The following CUBN variants were observed in gnomAD, a reference collection of about 807,000 sequenced individuals.
CUBN encodes cubilin, also known as 460 kDa receptor.
In CUBN, 282 loss-of-function variants were observed where a neutral mutation model predicts 405.3. That is an observed-to-expected ratio of 0.70 (90% CI 0.63 to 0.77). The LOEUF is 0.77. Among genes scored for constraint, CUBN ranks in the 30% least tolerant of loss-of-function variants. The pLI is 0.00. For synonymous variants in CUBN, 1,684 were observed against 1,617.0 expected (o/e 1.04, Z -0.99); for missense variants, 4,514 against 4,475.2 (o/e 1.01, Z -0.25).
Position 16,907,661 on chromosome 10 carries a change from T to A in CUBN, c.7552A>T (p.Ser2518Cys). 2 of 1,612,276 alleles carry A rather than the reference T, an allele frequency of 1.2e-6. No homozygotes were observed. Among genetic ancestry groups the A allele is most frequent in the Non-Finnish European group, 1.7e-6 (2 of 1,179,920 alleles). ...EHVIVFNGIR[S>C]NSPQLEKLCS... ...AGTTTCTCTAGCTGGGGTGAGTTAC[T>A]TCTAATGCCATTGAATACCTGTTGG... Residue 2518 changes from serine (S) to cysteine (C), a missense_variant, in exon 49 of 67, where the codon AGT (serine) becomes TGT (cysteine). By Grantham distance (112) the Ser-to-Cys change is moderately radical. This residue lies in a region of CUBN where 1,613 missense variants were observed against 1,542.8 expected (regional missense o/e 1.05). Transcript: ENST00000377833.
intron 28 of CUBN, among the ~76,000 whole-genome samples, chr10:17,004,613 T>C (rs1004707032): frequency 2.0e-5 from 3 of 151,182 alleles, no homozygotes; most frequent in African/African-American, 7.3e-5. Flanking sequence ...TTCTTCTGTC[T>C]CCCAGATTGA....
chr10:16,990,421 A>T lies in CUBN; in HGVS notation c.4263T>A (p.Ile1421=). The change falls in exon 29 of 67, where the codon ATT becomes ATA. Residue 1421 remains isoleucine, a synonymous_variant. Transcript: ENST00000377833. ...YPPNKECIWY[I]RTDPGSSIQL... The stretch of plus-strand genomic sequence containing the variant: ...GAATGCTACTCCCGGGGTCCGTCCT[A>T]ATGTACCAGATACACTCCTTGTTTG... The T allele has an allele frequency of 6.2e-7, 1 of 1,614,132 alleles. No homozygotes were observed. The highest frequency in any genetic ancestry group is 1.3e-5 in the African/African-American group (1 of 75,032).
At chr10:17,121,799 G>C (rs1837047568) in intron 6 of CUBN, 1 of 152,068 alleles carries the variant, frequency 6.6e-6, no homozygotes, top group South Asian at 2.1e-4. Flanking sequence ...GGAAATTGAA[G>C]AACAAGATAG....
Position 16,925,756 on chromosome 10 carries a change from T to A in CUBN, c.6290A>T (p.His2097Leu). 1 of 1,613,980 alleles carries A rather than the reference T, an allele frequency of 6.2e-7. No homozygotes were observed. ...SFHKSCGGYL[H>L]ADRGIITSPK... ...GGACGTGATGATCCCTCTGTCTGCA[T>A]GCAAATATCCACCGCAGCCTTCCCA... The change falls in exon 42 of 67, where the codon CAT becomes CTT. Residue 2097 changes from histidine (H) to leucine (L), a missense_variant. This residue lies in a region of CUBN where 1,613 missense variants were observed against 1,542.8 expected (regional missense o/e 1.05). Coordinates refer to ENST00000377833, the MANE Select transcript of CUBN (RefSeq NM_001081.4).
At position 16,841,008 on chromosome 10, in the gene CUBN, T is replaced by G. The variant is rs780615051; in HGVS notation, c.9703A>C (p.Thr3235Pro). The G allele has an allele frequency of 6.2e-7, 1 of 1,614,128 alleles. No individual in the cohort carries two copies. Among genetic ancestry groups the G allele is most frequent in the South Asian group, 1.1e-5 (1 of 91,084 alleles). Residue 3235 changes from threonine to proline, a missense_variant, in exon 61 of 67, where the codon ACG becomes CCG. By Grantham distance (38) the Thr-to-Pro change is conservative. Coordinates refer to ENST00000377833, the MANE Select transcript of CUBN (RefSeq NM_001081.4). ...GDSENANLAGTFCGSTVPAPF... is the reference protein window; with the variant it reads ...GDSENANLAGPFCGSTVPAPF... ...GCAGGTACTGTGGAACCACAAAACGTTCCAGCCAAGTTCGCATTTTCACTA... is the reference window on the plus strand; with the variant it reads ...GCAGGTACTGTGGAACCACAAAACGGTCCAGCCAAGTTCGCATTTTCACTA...
At position 16,867,857 on chromosome 10, in the gene CUBN, C is replaced by T. The variant is rs1293983013; in HGVS notation, c.9454+1779G>A. On this transcript the variant is annotated intron_variant, in intron 59 of 66. Transcript: ENST00000377833. ...ATGGTAATTTAATGAGGCTAGGGAA[C>T]CCTGGCTCACTTGAGAAGCTTCATG... Among the ~76,000 whole-genome samples the T allele has an allele frequency of 2.6e-5, 4 of 152,104 alleles. No individual in the cohort carries two copies. In the South Asian group the frequency reaches 8.3e-4, roughly 32 times the overall value.
At chr10:16,961,934 C>T (rs1056350932) in intron 31 of CUBN, among the ~76,000 whole-genome samples, 1 of 151,888 alleles carries the variant, frequency 6.6e-6, no homozygotes, top group Non-Finnish European at 1.5e-5. Flanking sequence ...GGATGGTCTC[C>T]ATCTCCTGAC....
intron 56 of CUBN, among the ~76,000 whole-genome samples, chr10:16,880,875 T>C (rs1442741068): frequency 6.6e-6 from 1 of 152,192 alleles, no homozygotes; most frequent in African/African-American, 2.4e-5. Flanking sequence ...AATCTATAAG[T>C]TGAAAGAGTG....
At chr10:16,837,399 C>A (rs933408418) in intron 62 of CUBN, among the ~76,000 whole-genome samples, 1 of 152,138 alleles carries the variant, frequency 6.6e-6, no homozygotes, top group African/African-American at 2.4e-5. Context: ...GTCTCTACAT[C>A]TGGCCAAAGA....
At chr10:16,972,053 T>C (rs1832952448) in intron 31 of CUBN, among the ~76,000 whole-genome samples, 1 of 152,120 alleles carries the variant, frequency 6.6e-6, no homozygotes, top group Non-Finnish European at 1.5e-5. Context: ...TGGGATTTGA[T>C]ACCTTTGATC....
intron 31 of CUBN, among the ~76,000 whole-genome samples, chr10:16,975,621 CTT>C (rs1833068065): frequency 1.8e-5 from 1 of 55,130 alleles, no homozygotes; most frequent in Admixed American, 1.6e-4. Context: ...TCTTAAAGAC[CTT>C]CTTTTTTTTT....
chr10:16,836,225 C>G lies in CUBN; in HGVS notation c.10180+10G>C. Reference sequence around the variant, plus strand: ...CTTTTTTGAATAAAAGATGAAGTTCCTGGCCTCACCTGCAATCTGATAGGT... The same window carrying G: ...CTTTTTTGAATAAAAGATGAAGTTCGTGGCCTCACCTGCAATCTGATAGGT... On this transcript the variant is annotated intron_variant, in intron 63 of 66. Transcript: ENST00000377833. 6.2e-7 allele frequency: 1 copy of G among 1,611,972 alleles called. No individual in the cohort carries two copies. Among genetic ancestry groups the G allele is most frequent in the Non-Finnish European group, 8.5e-7 (1 of 1,178,112 alleles).
In CUBN at chr10:17,068,657, AC is replaced by A. The variant is rs1564502181; in HGVS notation, c.2738del (p.Ser913IlefsTer51). 1.2e-6 allele frequency: 2 copies of A among 1,613,400 alleles called. No individual in the cohort carries two copies. The highest frequency in any genetic ancestry group is 1.7e-6 in the Non-Finnish European group (2 of 1,179,468). On this transcript the variant is annotated frameshift_variant, in exon 20 of 67. Coordinates refer to ENST00000377833, the MANE Select transcript of CUBN (RefSeq NM_001081.4). LOFTEE classifies it high-confidence loss of function. ...YNFLYVTFVK[S>X]SSTENHGFMA... The stretch of plus-strand genomic sequence containing the variant: ...TGAAACCATGGTTTTCAGTAGAAGA[AC>A]TTTTCACGAATGTGACATAAAGAAA...
rs1214972243 is a variant in CUBN, at chr10:16,824,033, T to C, written c.*942A>G. ...TCACAGGAAATTTATGCTTCTATAT[T>C]ATCATTAACTTTTGTTGTTCTTGTT... On this transcript the variant is annotated 3_prime_UTR_variant, in exon 67 of 67. Transcript: ENST00000377833. 6.6e-6 allele frequency: 1 copy of C among 152,218 alleles called. No individual in the cohort carries two copies. The highest frequency in any genetic ancestry group is 1.9e-4 in the East Asian group (1 of 5,200). 9.4% of individuals were successfully genotyped at this position (152,218 alleles called of 1,614,324 possible). A position where few individuals can be genotyped will look rare whatever the true frequency, so the allele number is the denominator to read the frequency against.
At chr10:17,091,722 T>C (rs1836263878) in intron 14 of CUBN, among the ~76,000 whole-genome samples, 3 of 152,186 alleles carry the variant, frequency 2.0e-5, no homozygotes, top group Admixed American at 6.5e-5. Context: ...GCAGATTTCA[T>C]GTATCTCCTG....
chr10:16,865,132 C>T (rs1370776190), intron 59 of CUBN, among the ~76,000 whole-genome samples: 2 of 151,372 alleles, frequency 1.3e-5, no homozygotes, highest in Non-Finnish European at 2.9e-5. Context: ...CCATGCCTGG[C>T]TAATTTTTTG....
intron 28 of CUBN, among the ~76,000 whole-genome samples, chr10:17,018,268 C>CA (rs1834393187): frequency 6.6e-6 from 1 of 152,132 alleles, no homozygotes; most frequent in Non-Finnish European, 1.5e-5. Flanking sequence ...TGGTACTCAC[C>CA]GCTTGGTGAT....
chr10:16,897,206 A>G (rs114112795), intron 54 of CUBN, among the ~76,000 whole-genome samples: 1,654 of 152,280 alleles, frequency 0.011, 38 homozygotes, highest in African/African-American at 0.038. Context: ...TTCCTGATAC[A>G]ACGTGTTCTT....
At chr10:16,854,772 A>G (rs1839819652) in intron 59 of CUBN, among the ~76,000 whole-genome samples, 1 of 152,216 alleles carries the variant, frequency 6.6e-6, no homozygotes. Context: ...ACACACACTT[A>G]TTATGTAGTA....
Sources: allele counts gnomAD v4.1 joint callset (sites outside exome capture counted in the v4.1 genomes callset), GRCh38; gene constraint gnomAD v4.1.1; regional missense constraint gnomAD v4.1.1; transcripts MANE v1.5; gene names NCBI Gene and HGNC (gene_info 2026-07-23, HGNC 2026-07-21).